Variants in PRKN observed in about 807,000 individuals in gnomAD.
PRKN encodes parkin RBR E3 ubiquitin protein ligase, also known as E3 ubiquitin-protein ligase parkin.
PRKN carries 56 observed loss-of-function variants against 59.5 expected under a neutral mutation model. That is an observed-to-expected ratio of 0.94 (90% confidence interval 0.76 to 1.18). The LOEUF is 1.18. Ranked by LOEUF, PRKN falls within the 50% of genes most tolerant of loss-of-function variation. PRKN has a pLI of 0.00. For missense variants in PRKN, 657 were observed against 596.4 expected (o/e 1.10, Z -1.06); for synonymous variants, 250 against 222.1 (o/e 1.13, Z -1.12).
At chr6:162,149,017 T>C (rs1782146587) in intron 4 of PRKN, among the ~76,000 whole-genome samples, 1 of 152,114 alleles carries the variant, frequency 6.6e-6, no homozygotes, top group Admixed American at 6.5e-5. Context: ...ACTTAAGATA[T>C]GGATTTCTTG....
intron 8 of PRKN, among the ~76,000 whole-genome samples, chr6:161,556,793 G>A (rs1056815539): frequency 6.6e-6 from 1 of 152,126 alleles, no homozygotes; most frequent in African/African-American, 2.4e-5. Flanking sequence ...AATGTGAACT[G>A]GGTTTATATA....
intron 2 of PRKN, among the ~76,000 whole-genome samples, chr6:162,432,924 T>C (rs1257820261): frequency 6.6e-6 from 1 of 152,136 alleles, no homozygotes; most frequent in African/African-American, 2.4e-5. Flanking sequence ...ATTAAAAAAG[T>C]AAACTCCATT....
At chr6:162,393,970 G>C (rs918715106) in intron 2 of PRKN, among the ~76,000 whole-genome samples, 2 of 152,062 alleles carry the variant, frequency 1.3e-5, no homozygotes, top group African/African-American at 4.8e-5. Context: ...GAAATACAAA[G>C]CAAAGTTTAT....
intron 1 of PRKN, among the ~76,000 whole-genome samples, chr6:162,625,673 GTATGTGTGTGTATCATGTATATA>G (rs1782854807): frequency 6.6e-6 from 1 of 151,410 alleles, no homozygotes; most frequent in South Asian, 2.1e-4. Context: ...ATGTATTTAT[GTATGTGTGTGTATCATGTATATA>G]TATGTGTGTG....
At position 161,794,947 on chromosome 6, in the gene PRKN, C is replaced by T. The variant is rs183767006; in HGVS notation, c.735-9039G>A. On this transcript the variant is annotated intron_variant, in intron 6 of 11. Coordinates refer to ENST00000366898, the MANE Select transcript of PRKN (RefSeq NM_004562.3). ...TCACCCAGGCTGGAGTGCAGTGGCGCGATCTCAGCTCACTGCAAGCTCCGC... is the reference window on the plus strand; with the variant it reads ...TCACCCAGGCTGGAGTGCAGTGGCGTGATCTCAGCTCACTGCAAGCTCCGC... Among the ~76,000 whole-genome samples, 605 of 152,094 alleles carry T rather than the reference C, an allele frequency of 4.0e-3. 8 individuals are homozygous for T. Among genetic ancestry groups the T allele is most frequent in the Non-Finnish European group, 1.8e-3 (122 of 67,978 alleles).
At chr6:162,092,408 A>C (rs966920232) in intron 4 of PRKN, among the ~76,000 whole-genome samples, 3 of 152,196 alleles carry the variant, frequency 2.0e-5, no homozygotes, top group African/African-American at 7.2e-5. Flanking sequence ...TGAAGCAATA[A>C]ATTTTGTTTT....
intron 6 of PRKN, among the ~76,000 whole-genome samples, chr6:161,877,665 A>T (rs904193050): frequency 6.6e-6 from 1 of 151,612 alleles, no homozygotes; most frequent in East Asian, 1.9e-4. Context: ...AGACAGGGTT[A>T]CACCGTGTTA....
chr6:161,703,837 CTCTTTTTTTTTTTT>C (rs1177971340), intron 7 of PRKN, among the ~76,000 whole-genome samples: 3 of 104,804 alleles, frequency 2.9e-5, no homozygotes, highest in African/African-American at 9.6e-5. Context: ...CTCTCTCTCT[CTCTTTTTTTTTTTT>C]TTTTTTTTTT....
intron 3 of PRKN, among the ~76,000 whole-genome samples, chr6:162,209,345 A>G (rs1029183970): frequency 1.3e-5 from 2 of 152,218 alleles, no homozygotes; most frequent in Admixed American, 6.5e-5. Flanking sequence ...CAACAGACAC[A>G]TGAAAAAATG....
chr6:161,789,630 T>C (rs1284375489), intron 6 of PRKN, among the ~76,000 whole-genome samples: 1 of 152,232 alleles, frequency 6.6e-6, no homozygotes, highest in Non-Finnish European at 1.5e-5. Flanking sequence ...AATAGTTATT[T>C]AAAAAGTTCA....
intron 3 of PRKN, among the ~76,000 whole-genome samples, chr6:162,244,060 G>A (rs996187661): frequency 6.6e-6 from 1 of 152,076 alleles, no homozygotes. Context: ...TATATACTTG[G>A]CATCCAATTT....
chr6:162,540,067 C>G (rs1274882333), intron 1 of PRKN, among the ~76,000 whole-genome samples: 2 of 152,034 alleles, frequency 1.3e-5, no homozygotes, highest in Non-Finnish European at 2.9e-5. Flanking sequence ...AGGCGCCCAC[C>G]ACCATGCCCA....
chr6:162,621,821 T>C (rs979470042), intron 1 of PRKN, among the ~76,000 whole-genome samples: 1 of 152,178 alleles, frequency 6.6e-6, no homozygotes, highest in Non-Finnish European at 1.5e-5. Flanking sequence ...TATTTATTTA[T>C]TTTTTATTTA....
intron 1 of PRKN, among the ~76,000 whole-genome samples, chr6:162,693,546 C>T (rs1315085484): frequency 3.3e-5 from 5 of 152,100 alleles, no homozygotes; most frequent in African/African-American, 1.2e-4. Flanking sequence ...CTGATGGCCC[C>T]CTCTCTAAAT....
intron 1 of PRKN, among the ~76,000 whole-genome samples, chr6:162,724,456 G>A (rs1404961746): frequency 6.6e-6 from 1 of 152,156 alleles, no homozygotes; most frequent in East Asian, 1.9e-4. Flanking sequence ...TAGCAGTGAG[G>A]TCACAGTCAG....
chr6:161,896,103 T>TA (rs1777617533), intron 6 of PRKN, among the ~76,000 whole-genome samples: 1 of 152,068 alleles, frequency 6.6e-6, no homozygotes, highest in Non-Finnish European at 1.5e-5. Context: ...ATGAATAAAT[T>TA]ATGTGAGAGA....
chr6:161,528,327 A>G (rs1779084577), intron 9 of PRKN, among the ~76,000 whole-genome samples: 1 of 152,176 alleles, frequency 6.6e-6, no homozygotes, highest in Non-Finnish European at 1.5e-5. Flanking sequence ...CAGCTGTGGG[A>G]ACGCAATGTG....
At chr6:162,138,718 T>C (rs1781651659) in intron 4 of PRKN, among the ~76,000 whole-genome samples, 2 of 152,026 alleles carry the variant, frequency 1.3e-5, no homozygotes, top group African/African-American at 4.8e-5. Context: ...AAATGTAATA[T>C]ATGGAGAGAA....
chr6:162,245,060 C>A (rs1453023280), intron 3 of PRKN, among the ~76,000 whole-genome samples: 2 of 152,002 alleles, frequency 1.3e-5, no homozygotes, highest in Admixed American at 1.3e-4. Flanking sequence ...AGTATATTTA[C>A]CAAAACATTT....
Sources: allele counts gnomAD v4.1 joint callset (sites outside exome capture counted in the v4.1 genomes callset), GRCh38; gene constraint gnomAD v4.1.1; transcripts MANE v1.5; gene names NCBI Gene and HGNC (gene_info 2026-07-23, HGNC 2026-07-21).